The following DIAPH2 variants were observed in gnomAD, a reference collection of about 807,000 sequenced individuals.
DIAPH2 encodes protein diaphanous homolog 2.
DIAPH2 carries 35 observed loss-of-function variants against 92.7 expected under a neutral mutation model. The ratio of observed to expected loss-of-function variants is 0.38; its 90% CI spans 0.29 to 0.50. DIAPH2 has a LOEUF of 0.50. DIAPH2 is among the 20% of genes least tolerant of loss of function. DIAPH2 has a pLI of 0.94. For missense variants in DIAPH2, 701 were observed against 819.5 expected (o/e 0.86, Z 1.77); for synonymous variants, 301 against 280.4 (o/e 1.07, Z -0.73).
intron 23 of DIAPH2, among the ~76,000 whole-genome samples, chrX:97,320,238 T>G (rs971470488): frequency 5.4e-5 from 6 of 110,260 alleles, no homozygotes; most frequent in Admixed American, 4.0e-4. Context: ...CATACTTATT[T>G]GTTTTTGTGA....
intron 17 of DIAPH2, among the ~76,000 whole-genome samples, chrX:97,069,363 A>T (rs1024146854): frequency 2.7e-5 from 3 of 111,664 alleles, no homozygotes; most frequent in Non-Finnish European, 5.6e-5. Context: ...CCTATATAGA[A>T]CTATGCTTGC....
At chrX:97,522,275 T>C (rs758674136) in intron 26 of DIAPH2, among the ~76,000 whole-genome samples, 13 of 112,184 alleles carry the variant, frequency 1.2e-4, no homozygotes, top group Non-Finnish European at 1.9e-4. Flanking sequence ...TTACTCTCTA[T>C]ACAGAACTTA....
intron 26 of DIAPH2, among the ~76,000 whole-genome samples, chrX:97,500,494 G>A (rs1198270802): frequency 9.1e-6 from 1 of 109,948 alleles, no homozygotes; most frequent in Non-Finnish European, 1.9e-5. Context: ...TTTCACTCAT[G>A]CTCTGGGGGA....
chrX:97,079,790 A>T (rs2066728703), intron 19 of DIAPH2, among the ~76,000 whole-genome samples: 1 of 111,470 alleles, frequency 9.0e-6, no homozygotes. Context: ...TATCAGAGAG[A>T]TGGCCAGGAT....
At chrX:97,303,962 A>G (rs1457575678) in intron 23 of DIAPH2, among the ~76,000 whole-genome samples, 1 of 111,684 alleles carries the variant, frequency 9.0e-6, no homozygotes, top group Non-Finnish European at 1.9e-5. Flanking sequence ...GTTGTTTGTA[A>G]CATGCCTACA....
rs184690638 is a variant in DIAPH2, at chrX:97,002,060, T to G, written c.2050+36853T>G. On this transcript the variant is annotated intron_variant, in intron 17 of 26. Transcript: ENST00000324765. Reference sequence around the variant, plus strand: ...ATACTGTCTTGATAATTCAAGTCAATAATCCACAAATGTATATTAGTCTCA... The same window carrying G: ...ATACTGTCTTGATAATTCAAGTCAAGAATCCACAAATGTATATTAGTCTCA... 1.9e-3 allele frequency among the ~76,000 whole-genome samples: 213 copies of G among 111,095 alleles called. 2 individuals are homozygous for G. The highest frequency in any genetic ancestry group is 0.015 in the Admixed American group (154 of 10,453).
intron 3 of DIAPH2, among the ~76,000 whole-genome samples, chrX:96,742,157 G>T (rs982241144): frequency 8.1e-5 from 9 of 111,478 alleles, no homozygotes; most frequent in Non-Finnish European, 1.5e-4. Context: ...CGTCCACCTA[G>T]GCCAAAAACT....
intron 19 of DIAPH2, among the ~76,000 whole-genome samples, chrX:97,075,878 G>A (rs951121975): frequency 8.9e-6 from 1 of 112,317 alleles, no homozygotes; most frequent in Non-Finnish European, 1.9e-5. Context: ...TGTAAGTGGT[G>A]TAAGTTGCAA....
At chrX:97,189,693 CCT>C (rs2067637020) in intron 22 of DIAPH2, among the ~76,000 whole-genome samples, 1 of 111,114 alleles carries the variant, frequency 9.0e-6, no homozygotes, top group South Asian at 3.8e-4. Flanking sequence ...TTAAAAAATC[CCT>C]CTTTTTGCCT....
chrX:96,884,883 G>T, intron 5 of DIAPH2: 1 of 1,210,722 alleles, frequency 8.3e-7, no homozygotes, highest in Non-Finnish European at 1.1e-6. Flanking sequence ...ATGATGCTGG[G>T]GATAACGATG....
At chrX:97,262,650 G>A (rs2068298306) in intron 23 of DIAPH2, among the ~76,000 whole-genome samples, 1 of 111,797 alleles carries the variant, frequency 8.9e-6, no homozygotes, top group African/African-American at 3.2e-5. Context: ...GAGGTGGGAA[G>A]TTTGAGACGC....
chrX:97,170,635 T>C (rs2147451477), intron 22 of DIAPH2, among the ~76,000 whole-genome samples: 1 of 111,485 alleles, frequency 9.0e-6, no homozygotes, highest in Non-Finnish European at 1.9e-5. Flanking sequence ...ATTTTCAACA[T>C]GTTCTTTAAA....
chrX:97,378,645 AG>A (rs1212053554), intron 24 of DIAPH2, among the ~76,000 whole-genome samples: 1 of 112,096 alleles, frequency 8.9e-6, no homozygotes. Context: ...TAGGAATTTG[AG>A]GTTGCAGTAA....
intron 21 of DIAPH2, among the ~76,000 whole-genome samples, chrX:97,139,879 A>G (rs986266587): frequency 7.2e-5 from 8 of 111,261 alleles, no homozygotes; most frequent in African/African-American, 2.3e-4. Flanking sequence ...TAAAATTGAC[A>G]TATGAGCACA....
At chrX:97,253,293 A>AAAAAT (rs60254229) in intron 23 of DIAPH2, among the ~76,000 whole-genome samples, 24 of 91,753 alleles carry the variant, frequency 2.6e-4, no homozygotes, top group South Asian at 1.1e-3. Context: ...CTCCGTAAAA[A>AAAAAT]AAAATAAAAT....
intron 4 of DIAPH2, among the ~76,000 whole-genome samples, chrX:96,809,462 A>G (rs757945044): frequency 6.4e-5 from 7 of 110,189 alleles, no homozygotes; most frequent in Admixed American, 9.6e-5. Context: ...TACATCTTGC[A>G]TGACTGAAAC....
At position 96,689,173 on chromosome X, in the gene DIAPH2, TAAAG is replaced by T. The variant is rs2063786589; in HGVS notation, c.132+3988_132+3991del. Among the ~76,000 whole-genome samples the T allele has an allele frequency of 3.8e-5, 4 of 105,826 alleles. No homozygotes were observed. The East Asian group carries it at 1.2e-3, about 31-fold the overall frequency. The allele number at this position is 105,826 out of a possible 115,157, so 91.9% of individuals were successfully genotyped here. ...TAAACAGATAAGGGAGCATATCCAATAAAGAAAGTTCACTTAGATGAATATGGCT... is the reference window on the plus strand; with the variant it reads ...TAAACAGATAAGGGAGCATATCCAATAAAGTTCACTTAGATGAATATGGCT... On this transcript the variant is annotated intron_variant, in intron 1 of 26. Transcript: ENST00000324765.
intron 26 of DIAPH2, among the ~76,000 whole-genome samples, chrX:97,491,129 C>T (rs2070722503): frequency 9.0e-6 from 1 of 111,626 alleles, no homozygotes; most frequent in South Asian, 3.8e-4. Context: ...GTTATATCTT[C>T]CTGATGAATT....
chrX:96,753,269 A>G (rs1345794097), intron 3 of DIAPH2, among the ~76,000 whole-genome samples: 2 of 112,157 alleles, frequency 1.8e-5, no homozygotes, highest in Non-Finnish European at 3.8e-5. Flanking sequence ...AGCCCAGCAT[A>G]TGTGAGCAGA....
Sources: allele counts gnomAD v4.1 joint callset (sites outside exome capture counted in the v4.1 genomes callset), GRCh38; gene constraint gnomAD v4.1.1; transcripts MANE v1.5; gene names NCBI Gene and HGNC (gene_info 2026-07-23, HGNC 2026-07-21).